Variants in ANKMY2 observed in about 807,000 individuals in gnomAD.
ANKMY2 encodes ankyrin repeat and MYND domain containing 2.
Under a neutral mutation model 50.4 loss-of-function variants are expected in ANKMY2, and 36 were observed. The ratio of observed to expected loss-of-function variants is 0.71; its 90% CI spans 0.55 to 0.94. The LOEUF is 0.94. ANKMY2 is among the 40% of genes least tolerant of loss of function. The pLI is 0.00. For missense variants in ANKMY2, 565 were observed against 524.0 expected (o/e 1.08, Z -0.76); for synonymous variants, 187 against 178.8 (o/e 1.05, Z -0.36).
At chr7:16,601,955 C>G (rs986011918) in intron 9 of ANKMY2, among the ~76,000 whole-genome samples, 4 of 152,190 alleles carry the variant, frequency 2.6e-5, no homozygotes, top group Non-Finnish European at 4.4e-5. Flanking sequence ...TCTGTAATTT[C>G]ACCTGTAGTT....
chr7:16,635,078 T>A (rs757858026), intron 2 of ANKMY2, among the ~76,000 whole-genome samples: 4 of 152,170 alleles, frequency 2.6e-5, no homozygotes, highest in Non-Finnish European at 4.4e-5. Flanking sequence ...ATAGAAGCTT[T>A]ATGGTAATCA....
Position 16,615,755 on chromosome 7 carries a change from G to A in ANKMY2, c.520C>T (p.His174Tyr). Reference protein sequence around the residue: ...LHKIITTTNLHPVKIVMLVNE... With the variant: ...LHKIITTTNLYPVKIVMLVNE... ...AGACACCACACTACCTTGACAGGATGAAGATTCGTTGTGGTGATAATTTTG... is the reference window on the plus strand; with the variant it reads ...AGACACCACACTACCTTGACAGGATAAAGATTCGTTGTGGTGATAATTTTG... The change falls in exon 5 of 10, where the codon CAT (histidine) becomes TAT (tyrosine). Residue 174 changes from histidine to tyrosine, a missense_variant. Physicochemically the swap from His to Tyr is moderately conservative, Grantham distance 83. Transcript: ENST00000306999. The A allele has an allele frequency of 6.2e-7, 1 of 1,614,208 alleles. No individual in the cohort carries two copies. The highest frequency in any genetic ancestry group is 2.2e-5 in the East Asian group (1 of 44,878).
At chr7:16,625,760 A>T (rs1424958875) in intron 3 of ANKMY2, among the ~76,000 whole-genome samples, 1 of 151,992 alleles carries the variant, frequency 6.6e-6, no homozygotes, top group Non-Finnish European at 1.5e-5. Context: ...ACTGACATGC[A>T]CTCCCCCAAA....
Position 16,600,664 on chromosome 7 carries a change from G to T in ANKMY2, c.*97C>A. On this transcript the variant is annotated 3_prime_UTR_variant, in exon 10 of 10. Transcript: ENST00000306999. Reference sequence around the variant, plus strand: ...ATGAAATGTGGAATCCTGCCATGGTGCCACGCAGGTATAACAAGGTGAGGA... The same window carrying T: ...ATGAAATGTGGAATCCTGCCATGGTTCCACGCAGGTATAACAAGGTGAGGA... 1 of 1,081,530 alleles carries T rather than the reference G, an allele frequency of 9.2e-7. No individual in the cohort carries two copies. The highest frequency in any genetic ancestry group is 1.6e-5 in the African/African-American group (1 of 62,466). The allele number at this position is 1,081,530 out of a possible 1,614,324, so 67.0% of individuals were successfully genotyped here.
At position 16,599,827 on chromosome 7, in the gene ANKMY2, GA is replaced by G. The variant is rs1485605506; in HGVS notation, c.*933del. The G allele has an allele frequency of 1.3e-5, 2 of 152,094 alleles. No individual in the cohort carries two copies. Among genetic ancestry groups the G allele is most frequent in the East Asian group, 3.9e-4 (2 of 5,186 alleles). The allele number at this position is 152,094 out of a possible 1,614,324, so 9.4% of individuals were successfully genotyped here. On this transcript the variant is annotated 3_prime_UTR_variant, in exon 10 of 10. Transcript: ENST00000306999. ...TTTTAAAATCCACACAAGAAACCCA[GA>G]AATGCAGCATTATCTTCAGACATCA...
At position 16,619,446 on chromosome 7, in the gene ANKMY2, G is replaced by T. The variant is rs1403925403; in HGVS notation, c.371-3542C>A. On this transcript the variant is annotated intron_variant, in intron 4 of 9. Coordinates refer to ENST00000306999, the MANE Select transcript of ANKMY2 (RefSeq NM_020319.3). ...TGGGATTACAGGCGTGAGCTACTGT[G>T]CCCGGCCTAATTATACCTTTTTAAA... Among the ~76,000 whole-genome samples the T allele has an allele frequency of 3.3e-5, 5 of 152,218 alleles. No individual in the cohort carries two copies. The East Asian group carries it at 7.7e-4, about 23-fold the overall frequency.
chr7:16,642,503 G>A (rs1440528621), intron 1 of ANKMY2, among the ~76,000 whole-genome samples: 2 of 152,130 alleles, frequency 1.3e-5, no homozygotes, highest in African/African-American at 4.8e-5. Flanking sequence ...GAGAGCAGTG[G>A]CTGGCAGATG....
intron 4 of ANKMY2, among the ~76,000 whole-genome samples, chr7:16,619,313 C>T (rs892974952): frequency 6.6e-6 from 1 of 152,098 alleles, no homozygotes; most frequent in Non-Finnish European, 1.5e-5. Context: ...GCCACCACGC[C>T]CAACTAATTT....
chr7:16,634,885 A>T (rs914625864), intron 2 of ANKMY2, among the ~76,000 whole-genome samples: 1 of 152,238 alleles, frequency 6.6e-6, no homozygotes, highest in Admixed American at 6.5e-5. Flanking sequence ...AAAAAAGCTC[A>T]GGAGTATTTA....
intron 2 of ANKMY2, among the ~76,000 whole-genome samples, chr7:16,628,770 G>A (rs1367376945): frequency 2.0e-5 from 3 of 152,006 alleles, no homozygotes; most frequent in Admixed American, 6.6e-5. Flanking sequence ...TTAGGACCCC[G>A]ACTTCATCAT....
At chr7:16,610,889 A>C (rs1342847644) in intron 5 of ANKMY2, 126 bp from the exon 6 acceptor site, 4 of 803,458 alleles carry the variant, frequency 5.0e-6, no homozygotes, top group Non-Finnish European at 7.7e-6. Context: ...TGAAGTTATT[A>C]TGTTATTTGT....
Position 16,602,445 on chromosome 7 carries a change from T to A in ANKMY2, c.1076A>T (p.Asn359Ile). ...TTGCTTTTCGTAAATGTCCTTCAGA[T>A]TCTTACAGATTTTCTTATGAGTAAA... is the stretch of plus-strand genomic sequence containing the variant. ...HWFTHKKICK[N>I]LKDIYEKQQL... The change falls in exon 9 of 10, where the codon AAT becomes ATT. Residue 359 changes from asparagine (N) to isoleucine (I), a missense_variant. Transcript: ENST00000306999. 1.9e-6 allele frequency: 3 copies of A among 1,614,032 alleles called. No homozygotes were observed. The highest frequency in any genetic ancestry group is 1.7e-6 in the Non-Finnish European group (2 of 1,180,000).
intron 3 of ANKMY2, 127 bp downstream of exon 3, chr7:16,626,913 C>T (rs1781514353): frequency 2.7e-6 from 2 of 734,062 alleles, no homozygotes; most frequent in Non-Finnish European, 3.9e-6. Context: ...AACCAATTGC[C>T]ATCATTCCTT....
At chr7:16,619,778 T>A (rs1457629530) in intron 4 of ANKMY2, among the ~76,000 whole-genome samples, 3 of 152,166 alleles carry the variant, frequency 2.0e-5, no homozygotes, top group Admixed American at 6.5e-5. Flanking sequence ...TTACAATCAC[T>A]AGATTTGAGT....
At chr7:16,636,353 A>G (rs754001773) in intron 2 of ANKMY2, 38 bp downstream of exon 2, 67 of 820,560 alleles carry the variant, frequency 8.2e-5, no homozygotes, top group Non-Finnish European at 1.3e-4. Flanking sequence ...CTCTTCTTAT[A>G]GGAAGTAAAA....
intron 5 of ANKMY2, 114 bp from the exon 6 acceptor site, chr7:16,610,877 C>A (rs1475336875): frequency 1.5e-5 from 13 of 874,146 alleles, no homozygotes; most frequent in Non-Finnish European, 1.9e-5. Flanking sequence ...TCCTTAGGAT[C>A]ATGAAGTTAT....
intron 2 of ANKMY2, among the ~76,000 whole-genome samples, chr7:16,635,477 T>C (rs992658541): frequency 5.3e-5 from 8 of 152,184 alleles, no homozygotes; most frequent in Non-Finnish European, 1.2e-4. Context: ...TAACAAATTT[T>C]ACACCTTAAA....
intron 4 of ANKMY2, among the ~76,000 whole-genome samples, chr7:16,619,801 C>G (rs2286229): frequency 0.17 from 26,295 of 152,166 alleles, 2,517 homozygotes; most frequent in Admixed American, 0.28. Context: ...TCTAGACTTA[C>G]AGGGCTCACT....
intron 1 of ANKMY2, among the ~76,000 whole-genome samples, chr7:16,642,635 T>A (rs1414306149): frequency 6.6e-6 from 1 of 151,586 alleles, no homozygotes; most frequent in East Asian, 1.9e-4. Context: ...TTTTTCAAAG[T>A]TGAAAAACGT....
Sources: gnomAD v4.1 joint callset for allele counts (sites outside exome capture counted in the v4.1 genomes callset) on GRCh38, gnomAD v4.1.1 for gene constraint, MANE v1.5 for transcripts, NCBI Gene and HGNC (gene_info 2026-07-23, HGNC 2026-07-21) for gene names.